The following PKP2 variants were observed in gnomAD, a reference collection of about 807,000 sequenced individuals.
PKP2 encodes plakophilin-2.
PKP2 carries 73 observed loss-of-function variants against 83.4 expected under a neutral mutation model. That is an observed-to-expected ratio of 0.88 (90% confidence interval 0.72 to 1.06). The LOEUF (loss-of-function observed/expected upper bound fraction) is 1.06, where lower values mean the gene tolerates loss of function less well. PKP2 is among the 50% of genes least tolerant of loss of function. The probability of loss-of-function intolerance (pLI) is 0.00; values close to 1 mark genes in which losing one functional copy is unlikely to be tolerated. For missense variants in PKP2, 966 were observed against 1,065.4 expected (o/e 0.91, Z 1.30); for synonymous variants, 409 against 430.4 (o/e 0.95, Z 0.62).
intron 6 of PKP2, among the ~76,000 whole-genome samples, chr12:32,836,736 T>C (rs1956548250): frequency 6.6e-6 from 1 of 152,216 alleles, no homozygotes; most frequent in Non-Finnish European, 1.5e-5. Context: ...GTAACATTCA[T>C]GATTTTTAAA....
At chr12:32,873,354 T>G (rs1044039763) in intron 3 of PKP2, among the ~76,000 whole-genome samples, 4 of 152,106 alleles carry the variant, frequency 2.6e-5, no homozygotes, top group Non-Finnish European at 4.4e-5. Context: ...AGCCTCAGCC[T>G]CCCAAAGTGC....
intron 9 of PKP2, among the ~76,000 whole-genome samples, chr12:32,804,411 T>C (rs1437584927): frequency 6.6e-6 from 1 of 152,132 alleles, no homozygotes; most frequent in African/African-American, 2.4e-5. Flanking sequence ...ATCACCTAGG[T>C]ATTAAGCCCA....
chr12:32,797,442 T>A (rs1182593682), intron 10 of PKP2, among the ~76,000 whole-genome samples: 1 of 4,450 alleles, frequency 2.2e-4, no homozygotes, highest in Admixed American at 1.1e-3. Flanking sequence ...AGAGACCCTG[T>A]CTCAAAAAAA....
rs889590927 is a variant in PKP2, at chr12:32,846,448, G to A, written c.1378+4318C>T. 4.6e-5 allele frequency among the ~76,000 whole-genome samples: 7 copies of A among 152,030 alleles called. No homozygotes were observed. The East Asian group carries it at 1.4e-3, about 29-fold the overall frequency. On this transcript the variant is annotated intron_variant, in intron 5 of 12. Coordinates refer to ENST00000340811, the MANE Select transcript of PKP2 (RefSeq NM_001005242.3). ...TGAAGACAGCTTGAACCAAGGCAGA[G>A]ACAAGAAGACAGAGGGGCCAGCACA... is the stretch of plus-strand genomic sequence containing the variant.
chr12:32,836,329 C>T (rs1286816407), intron 6 of PKP2, among the ~76,000 whole-genome samples: 4 of 152,234 alleles, frequency 2.6e-5, no homozygotes, highest in South Asian at 2.1e-4. Context: ...GATACATCCT[C>T]AAGGTGGTGG....
intron 4 of PKP2, among the ~76,000 whole-genome samples, chr12:32,867,413 G>A (rs1956859507): frequency 6.6e-6 from 1 of 152,134 alleles, no homozygotes; most frequent in Non-Finnish European, 1.5e-5. Context: ...GATTACACAG[G>A]GGCACAAGAA....
At chr12:32,842,265 C>T (rs1357103615) in intron 5 of PKP2, among the ~76,000 whole-genome samples, 24 of 151,852 alleles carry the variant, frequency 1.6e-4, no homozygotes. Flanking sequence ...TTTGAGACTG[C>T]GTCTCACTCT....
chr12:32,877,767 G>A, intron 3 of PKP2, 79 bp downstream of exon 3: 1 of 1,048,566 alleles, frequency 9.5e-7, no homozygotes. Context: ...AGCCCCAGAA[G>A]TGCCAGCTCA....
At chr12:32,878,757 C>T (rs182481315) in intron 2 of PKP2, among the ~76,000 whole-genome samples, 163 bp downstream of exon 2, 176 of 152,150 alleles carry the variant, frequency 1.2e-3, no homozygotes, top group Non-Finnish European at 2.0e-3. Flanking sequence ...GTTTCACATC[C>T]CTAGTTTTCC....
chr12:32,847,191 T>C (rs1956654741), intron 5 of PKP2, among the ~76,000 whole-genome samples: 1 of 152,194 alleles, frequency 6.6e-6, no homozygotes, highest in African/African-American at 2.4e-5. Context: ...AACATGTCTA[T>C]ATTAGGTTAA....
intron 6 of PKP2, among the ~76,000 whole-genome samples, chr12:32,832,265 C>G (rs1467922802): frequency 6.6e-6 from 1 of 151,988 alleles, no homozygotes; most frequent in Non-Finnish European, 1.5e-5. Flanking sequence ...GTAGTCCCAG[C>G]TACTCAGGAG....
At chr12:32,869,354 G>A (rs1399119760) in intron 3 of PKP2, among the ~76,000 whole-genome samples, 3 of 152,102 alleles carry the variant, frequency 2.0e-5, no homozygotes, top group Admixed American at 6.5e-5. Context: ...TGAGGCTGAG[G>A]TGGGCGGATC....
intron 11 of PKP2, chr12:32,793,018 G>A (rs1428402849): frequency 1.2e-5 from 5 of 406,994 alleles, no homozygotes; most frequent in African/African-American, 2.0e-5. Flanking sequence ...TTGGGAGGCT[G>A]AGGTGGGTAG....
chr12:32,864,400 C>T (rs1956829104), intron 4 of PKP2, among the ~76,000 whole-genome samples: 1 of 148,556 alleles, frequency 6.7e-6, no homozygotes, highest in Non-Finnish European at 1.5e-5. Context: ...CAATGAACAA[C>T]CAAAAATAGA....
In PKP2 at chr12:32,896,763, T is replaced by G. The variant is rs758069762; in HGVS notation, c.-32A>C. 29 of 1,225,822 alleles carry G rather than the reference T, an allele frequency of 2.4e-5. No individual in the cohort carries two copies. The highest frequency in any genetic ancestry group is 2.8e-5 in the Non-Finnish European group (26 of 916,052). 75.9% of individuals were successfully genotyped at this position (1,225,822 alleles called of 1,614,324 possible). A position where few individuals can be genotyped will look rare whatever the true frequency, so the allele number is the denominator to read the frequency against. On this transcript the variant is annotated 5_prime_UTR_variant, in exon 1 of 13. Transcript: ENST00000340811. ...GGTGGGGGCGACCGAGCTGCTCGCC[T>G]GCCTCTGGACTCGCGGGCGAAGCCG...
chr12:32,873,495 C>A (rs1017616544), intron 3 of PKP2, among the ~76,000 whole-genome samples: 2 of 152,052 alleles, frequency 1.3e-5, no homozygotes, highest in African/African-American at 2.4e-5. Context: ...CTCTCCTAGA[C>A]CATCATACAT....
intron 9 of PKP2, among the ~76,000 whole-genome samples, 160 bp from the exon 10 acceptor site, chr12:32,802,716 T>C (rs1357602884): frequency 6.6e-6 from 1 of 152,140 alleles, no homozygotes; most frequent in African/African-American, 2.4e-5. Context: ...TGGAGTGCAG[T>C]GGTGTGATCT....
rs137947383 is a variant in PKP2 at position 32,791,840 on chromosome 12, C to CTTAAGT, written c.*578_*583dup. 14,585 of 158,144 alleles carry CTTAAGT rather than the reference C, an allele frequency of 0.092. 1,450 individuals carry two copies. The highest frequency in any genetic ancestry group is 0.25 in the African/African-American group (10,457 of 41,432). 9.8% of individuals were successfully genotyped at this position (158,144 alleles called of 1,614,324 possible). Reference sequence around the variant, plus strand: ...CATGCATACTCTGTAATCTAAATTTCTTAAGTTTATTTAAAAATCAGAGAA... The same window carrying CTTAAGT: ...CATGCATACTCTGTAATCTAAATTTCTTAAGTTTAAGTTTATTTAAAAATCAGAGAA... On this transcript the variant is annotated 3_prime_UTR_variant, in exon 13 of 13. Transcript: ENST00000340811.
intron 6 of PKP2, among the ~76,000 whole-genome samples, chr12:32,840,791 C>T (rs1012755228): frequency 6.6e-6 from 1 of 152,134 alleles, no homozygotes; most frequent in African/African-American, 2.4e-5. Context: ...GGCACGGTGG[C>T]TCACGCCTAT....
Sources: allele counts gnomAD v4.1 joint callset (sites outside exome capture counted in the v4.1 genomes callset), GRCh38; gene constraint gnomAD v4.1.1; transcripts MANE v1.5; gene names NCBI Gene and HGNC (gene_info 2026-07-23, HGNC 2026-07-21).